DAB1: variants seen among roughly 807,000 people sequenced by gnomAD.
DAB1 encodes the protein disabled homolog 1.
A neutral mutation model predicts 64.6 loss-of-function variants in DAB1; 15 were observed. That is an observed-to-expected ratio of 0.23 (90% CI 0.16 to 0.36). DAB1 has a LOEUF of 0.36. DAB1 is among the 10% of genes least tolerant of loss of function. The probability of loss-of-function intolerance (pLI) is 1.00; values close to 1 mark genes in which losing one functional copy is unlikely to be tolerated. For missense variants in DAB1, 596 were observed against 706.7 expected (o/e 0.84, Z 1.78); for synonymous variants, 235 against 251.9 (o/e 0.93, Z 0.64).
At chr1:57,171,180 A>G (rs770455460) in intron 2 of DAB1, among the ~76,000 whole-genome samples, 18 of 152,186 alleles carry the variant, frequency 1.2e-4, no homozygotes, top group Non-Finnish European at 1.9e-4. Context: ...AGGTTTTTCC[A>G]TGTAACATCA....
At chr1:57,911,649 C>T (rs953077605) in intron 5 of DAB1, among the ~76,000 whole-genome samples, 3 of 152,210 alleles carry the variant, frequency 2.0e-5, no homozygotes, top group South Asian at 2.1e-4. Flanking sequence ...ACTCCTCAGA[C>T]GTCATGGCTC....
intron 3 of DAB1, among the ~76,000 whole-genome samples, chr1:58,467,714 G>C (rs1645310176): frequency 1.3e-5 from 2 of 152,120 alleles, no homozygotes; most frequent in Non-Finnish European, 2.9e-5. Context: ...TTTTTCACTA[G>C]AAACAATTTG....
chr1:57,633,042 T>G (rs1008184960), intron 7 of DAB1, among the ~76,000 whole-genome samples: 2 of 152,206 alleles, frequency 1.3e-5, no homozygotes, highest in African/African-American at 4.8e-5. Flanking sequence ...ACATGGCTTT[T>G]CCATATGTTT....
At chr1:58,324,813 C>T (rs1662783455) in intron 4 of DAB1, among the ~76,000 whole-genome samples, 1 of 152,150 alleles carries the variant, frequency 6.6e-6, no homozygotes, top group African/African-American at 2.4e-5. Flanking sequence ...CAACCTGAGT[C>T]TCATCAGAAT....
intron 6 of DAB1, among the ~76,000 whole-genome samples, chr1:57,653,100 T>G (rs1354995463): frequency 6.6e-6 from 1 of 152,336 alleles, no homozygotes; most frequent in East Asian, 1.9e-4. Flanking sequence ...TAACAAAAAC[T>G]TATGTACTGA....
chr1:57,267,695 T>G (rs1670691969), intron 2 of DAB1, among the ~76,000 whole-genome samples: 1 of 152,160 alleles, frequency 6.6e-6, no homozygotes, highest in South Asian at 2.1e-4. Flanking sequence ...TTCAGGTCAT[T>G]GCACTACACG....
intron 7 of DAB1, among the ~76,000 whole-genome samples, chr1:57,537,878 C>T (rs1214082358): frequency 6.6e-6 from 1 of 152,176 alleles, no homozygotes. Flanking sequence ...TGGCTGCTTC[C>T]ATTCGTGGTG....
intron 6 of DAB1, among the ~76,000 whole-genome samples, chr1:57,816,040 C>G (rs898219187): frequency 6.6e-6 from 1 of 152,154 alleles, no homozygotes. Flanking sequence ...ATTGAGGGAG[C>G]CGTTTCTCTG....
Position 57,563,785 on chromosome 1 carries a change from G to A in DAB1, n.625+85807C>T, listed in dbSNP as rs148028094. Among the ~76,000 whole-genome samples the A allele has an allele frequency of 8.2e-3, 1,251 of 152,262 alleles. 15 individuals are homozygous for A. Among genetic ancestry groups the A allele is most frequent in the African/African-American group, 0.029 (1,196 of 41,556 alleles). On this transcript the variant is annotated intron_variant and non_coding_transcript_variant, in intron 7 of 20. Transcript: ENST00000485760. ...TGAGGCTTGAGTAGGTAAACGAAGC[G>A]GCCTGGAAGCTCGAACTAGGTGGAG...
intron 7 of DAB1, among the ~76,000 whole-genome samples, chr1:57,629,203 G>A (rs1645958563): frequency 6.6e-6 from 1 of 152,194 alleles, no homozygotes. Context: ...ACTGTTACAT[G>A]TTGCAGAAAT....
chr1:57,707,598 T>C (rs1196640817), intron 6 of DAB1, among the ~76,000 whole-genome samples: 1 of 152,220 alleles, frequency 6.6e-6, no homozygotes, highest in Non-Finnish European at 1.5e-5. Context: ...AATTGCCCAA[T>C]TATATTCCAG....
At chr1:57,635,265 G>C (rs1371098539) in intron 7 of DAB1, among the ~76,000 whole-genome samples, 1 of 152,170 alleles carries the variant, frequency 6.6e-6, no homozygotes, top group East Asian at 1.9e-4. Flanking sequence ...CTCTAATCCA[G>C]GGGTCCCCAA....
chr1:57,194,361 A>G (rs375876450), intron 2 of DAB1, among the ~76,000 whole-genome samples: 24 of 152,284 alleles, frequency 1.6e-4, no homozygotes, highest in African/African-American at 5.5e-4. Context: ...GAGTGATTTC[A>G]CGTAAGGTGC....
intron 7 of DAB1, among the ~76,000 whole-genome samples, chr1:57,475,529 CAG>C (rs763674227): frequency 1.7e-4 from 26 of 152,194 alleles, no homozygotes; most frequent in Non-Finnish European, 3.4e-4. Context: ...GAAATCAAGG[CAG>C]AGAGAGGGGT....
At chr1:57,344,297 C>A (rs1677908662) in intron 1 of DAB1, among the ~76,000 whole-genome samples, 1 of 152,178 alleles carries the variant, frequency 6.6e-6, no homozygotes, top group Non-Finnish European at 1.5e-5. Flanking sequence ...GAACATCATT[C>A]TCCTAAGAAC....
chr1:57,796,957 C>T (rs1650904028), intron 6 of DAB1, among the ~76,000 whole-genome samples: 1 of 152,200 alleles, frequency 6.6e-6, no homozygotes, highest in Non-Finnish European at 1.5e-5. Context: ...GGTTTGAATG[C>T]TGGCTTCCCC....
intron 14 of DAB1, among the ~76,000 whole-genome samples, chr1:57,009,067 C>G (rs1646184231): frequency 6.6e-6 from 1 of 152,216 alleles, no homozygotes; most frequent in Non-Finnish European, 1.5e-5. Flanking sequence ...ATACATTGAT[C>G]TGCAAATGGT....
intron 7 of DAB1, among the ~76,000 whole-genome samples, chr1:57,630,869 G>A (rs186850932): frequency 6.8e-4 from 103 of 152,278 alleles, no homozygotes; most frequent in Middle Eastern, 6.8e-3. Flanking sequence ...TATGTGAAAA[G>A]ACAAACTGAT....
chr1:57,207,978 T>C (rs1437553449), intron 2 of DAB1, among the ~76,000 whole-genome samples: 2 of 152,242 alleles, frequency 1.3e-5, no homozygotes, highest in African/African-American at 4.8e-5. Context: ...GAACCCAAGG[T>C]GGGGAAATAC....
Sources: gnomAD v4.1 joint callset for allele counts (sites outside exome capture counted in the v4.1 genomes callset) on GRCh38, gnomAD v4.1.1 for gene constraint, MANE v1.5 for transcripts, NCBI Gene and HGNC (gene_info 2026-07-23, HGNC 2026-07-21) for gene names.